TENM4: variants seen among roughly 807,000 people sequenced by gnomAD.
The protein encoded by TENM4 is teneurin-4.
TENM4 carries 82 observed loss-of-function variants against 243.3 expected under a neutral mutation model. The ratio of observed to expected loss-of-function variants is 0.34; its 90% CI spans 0.28 to 0.40. The LOEUF is 0.40. TENM4 is among the 10% of genes least tolerant of loss of function. The pLI, the probability that TENM4 is intolerant of heterozygous loss-of-function variation, is 1.00. For missense variants in TENM4, 3,138 were observed against 3,673.3 expected (o/e 0.85, Z 3.77); for synonymous variants, 1,412 against 1,456.3 (o/e 0.97, Z 0.69).
At chr11:79,436,144 A>G (rs182316142) in intron 1 of TENM4, among the ~76,000 whole-genome samples, 231 of 152,304 alleles carry the variant, frequency 1.5e-3, no homozygotes, top group Non-Finnish European at 2.1e-3. Flanking sequence ...TGAAGGGACC[A>G]CAGTATGCCA....
In TENM4 at chr11:79,198,847, C is replaced by T. The variant is rs570147020; in HGVS notation, c.-163+16961G>A. Among the ~76,000 whole-genome samples, 5 of 152,126 alleles carry T rather than the reference C, an allele frequency of 3.3e-5. No individual in the cohort carries two copies. The South Asian group carries it at 8.3e-4, about 25-fold the overall frequency. On this transcript the variant is annotated intron_variant, in intron 3 of 33. Transcript: ENST00000278550. ...GATGATGGCACTTGAAGAAGGAGCA[C>T]GGGGACTAGGAGAAAGATTAAAAGA...
At chr11:79,235,943 C>A (rs1864461308) in intron 2 of TENM4, among the ~76,000 whole-genome samples, 1 of 152,086 alleles carries the variant, frequency 6.6e-6, no homozygotes, top group South Asian at 2.1e-4. Flanking sequence ...GAGGTTCAAG[C>A]TCTTCCTTCT....
At chr11:78,821,916 G>A (rs1348105283) in intron 12 of TENM4, among the ~76,000 whole-genome samples, 1 of 152,208 alleles carries the variant, frequency 6.6e-6, no homozygotes, top group Non-Finnish European at 1.5e-5. Flanking sequence ...GTTACGTTCT[G>A]TTTACATGTA....
chr11:79,405,094 C>T (rs1858540080), intron 1 of TENM4, among the ~76,000 whole-genome samples: 1 of 152,160 alleles, frequency 6.6e-6, no homozygotes, highest in Non-Finnish European at 1.5e-5. Context: ...TTTTTTACAG[C>T]TTGACTCTTT....
At chr11:79,209,888 C>A (rs145495506) in intron 3 of TENM4, among the ~76,000 whole-genome samples, 1 of 152,340 alleles carries the variant, frequency 6.6e-6, no homozygotes, top group African/African-American at 2.4e-5. Flanking sequence ...TCCTTCTCTG[C>A]ATTGCAGTTT....
intron 20 of TENM4, among the ~76,000 whole-genome samples, chr11:78,736,187 G>A (rs1855788358): frequency 6.6e-6 from 1 of 152,018 alleles, no homozygotes; most frequent in African/African-American, 2.4e-5. Context: ...GAACGCCCAG[G>A]CTGGTCTTGA....
intron 3 of TENM4, among the ~76,000 whole-genome samples, chr11:79,149,743 TG>T (rs901991347): frequency 3.3e-5 from 5 of 151,858 alleles, no homozygotes; most frequent in African/African-American, 1.2e-4. Flanking sequence ...GGGTTGATCT[TG>T]GGCTGGCTTT....
At chr11:79,330,255 A>G (rs509831) in intron 1 of TENM4, among the ~76,000 whole-genome samples, 74,002 of 152,036 alleles carry the variant, frequency 0.49, 18,154 homozygotes, top group South Asian at 0.61. Flanking sequence ...AGACTTGATA[A>G]GCCTTGCTAA....
chr11:78,716,122 A>G (rs1441886848), intron 25 of TENM4, among the ~76,000 whole-genome samples: 2 of 152,280 alleles, frequency 1.3e-5, no homozygotes, highest in East Asian at 3.9e-4. Flanking sequence ...GACTGGGACC[A>G]CAGATTCCTA....
At chr11:79,258,240 A>G (rs894803995) in intron 2 of TENM4, among the ~76,000 whole-genome samples, 1 of 152,204 alleles carries the variant, frequency 6.6e-6, no homozygotes, top group Non-Finnish European at 1.5e-5. Flanking sequence ...CCTTGATTTC[A>G]TGTGTAAAAT....
At chr11:79,199,675 T>C (rs1215448625) in intron 3 of TENM4, among the ~76,000 whole-genome samples, 2 of 152,226 alleles carry the variant, frequency 1.3e-5, no homozygotes, top group East Asian at 3.8e-4. Context: ...GGTGGCTGGA[T>C]GTGGTGCCCT....
intron 1 of TENM4, among the ~76,000 whole-genome samples, chr11:79,422,938 G>A (rs1208212876): frequency 6.6e-6 from 1 of 152,184 alleles, no homozygotes; most frequent in Non-Finnish European, 1.5e-5. Context: ...TAAACTGAAA[G>A]TATGCTCAGC....
intron 6 of TENM4, among the ~76,000 whole-genome samples, chr11:78,995,080 T>C (rs1374841826): frequency 6.6e-6 from 1 of 152,178 alleles, no homozygotes; most frequent in Non-Finnish European, 1.5e-5. Context: ...GAGATGGACT[T>C]GGAAGTCTAG....
intron 3 of TENM4, among the ~76,000 whole-genome samples, chr11:79,205,692 C>T (rs1863838720): frequency 6.6e-6 from 1 of 152,286 alleles, no homozygotes; most frequent in Non-Finnish European, 1.5e-5. Flanking sequence ...ATGAATGGAC[C>T]ACAGTTCACT....
chr11:79,052,891 G>T (rs1218541592), intron 6 of TENM4, among the ~76,000 whole-genome samples: 1 of 152,208 alleles, frequency 6.6e-6, no homozygotes, highest in Non-Finnish European at 1.5e-5. Context: ...AGGCATTCCT[G>T]CTTAGAGACC....
Position 78,936,464 on chromosome 11 carries a change from G to T in TENM4, c.494-32941C>A, listed in dbSNP as rs537624068. Among the ~76,000 whole-genome samples, 5 of 152,310 alleles carry T rather than the reference G, an allele frequency of 3.3e-5. No homozygotes were observed. In the East Asian group the frequency reaches 7.7e-4, roughly 23 times the overall value. ...TTTATTAGACTAATGGCAGCTGTGT[G>T]CATGTACCTGTGTTCACTCAAGTAT... On this transcript the variant is annotated intron_variant, in intron 6 of 33. Transcript: ENST00000278550.
At position 79,136,134 on chromosome 11, in the gene TENM4, A is replaced by G. The variant is rs372695266; in HGVS notation, c.-66+12576T>C. 4.6e-5 allele frequency among the ~76,000 whole-genome samples: 7 copies of G among 152,074 alleles called. No homozygotes were observed. The East Asian group carries it at 7.7e-4, about 17-fold the overall frequency. ...CACCAAAATCTCACAAATCACCACT[A>G]AAGAACTTATTCATGTAACCAAATA... On this transcript the variant is annotated intron_variant, in intron 4 of 33. Coordinates refer to ENST00000278550, the MANE Select transcript of TENM4 (RefSeq NM_001098816.3).
intron 6 of TENM4, among the ~76,000 whole-genome samples, chr11:78,965,399 T>C (rs1468804592): frequency 6.6e-6 from 1 of 152,116 alleles, no homozygotes; most frequent in Non-Finnish European, 1.5e-5. Context: ...CCAATATACG[T>C]TGATTTCCTC....
At chr11:79,156,081 T>C (rs930706082) in intron 3 of TENM4, among the ~76,000 whole-genome samples, 1 of 152,154 alleles carries the variant, frequency 6.6e-6, no homozygotes, top group Admixed American at 6.5e-5. Flanking sequence ...CGGTTAGGAC[T>C]GGCCTCTCCC....
Sources: gnomAD v4.1 joint callset for allele counts (sites outside exome capture counted in the v4.1 genomes callset) on GRCh38, gnomAD v4.1.1 for gene constraint, MANE v1.5 for transcripts, NCBI Gene and HGNC (gene_info 2026-07-23, HGNC 2026-07-21) for gene names.